ZNF536: variants seen among roughly 807,000 people sequenced by gnomAD.
ZNF536 encodes the protein zinc finger protein 536.
ZNF536 carries 13 observed loss-of-function variants against 84.5 expected under a neutral mutation model. The observed-to-expected ratio is 0.15, with a 90% CI of 0.10 to 0.24. The LOEUF (loss-of-function observed/expected upper bound fraction) is 0.24. Ranked by LOEUF, ZNF536 falls within the 10% of genes least tolerant of loss-of-function variation. The pLI is 1.00. For synonymous variants in ZNF536, 811 were observed against 742.5 expected (o/e 1.09, Z -1.50); for missense variants, 1,536 against 1,747.5 (o/e 0.88, Z 2.16).
intron 1 of ZNF536, among the ~76,000 whole-genome samples, chr19:30,253,209 A>G (rs1275736991): frequency 6.6e-6 from 1 of 152,220 alleles, no homozygotes; most frequent in Non-Finnish European, 1.5e-5. Flanking sequence ...AGTGTGAATG[A>G]TAAATACTGT....
At chr19:30,368,476 C>A (rs540587462), upstream of ZNF536, among the ~76,000 whole-genome samples, 6 of 152,204 alleles carry the variant, frequency 3.9e-5, no homozygotes, top group Non-Finnish European at 8.8e-5. Flanking sequence ...GCTGATGTGC[C>A]TGCGAGGGCA....
intron 1 of ZNF536, among the ~76,000 whole-genome samples, chr19:30,272,293 T>C (rs1036883840): frequency 6.6e-6 from 1 of 152,246 alleles, no homozygotes; most frequent in East Asian, 1.9e-4. Context: ...GAGCAGAAAG[T>C]ACAGCGTTAC....
upstream of ZNF536, among the ~76,000 whole-genome samples, chr19:30,227,971 C>T (rs1247788402): frequency 6.6e-6 from 1 of 152,096 alleles, no homozygotes; most frequent in African/African-American, 2.4e-5. Context: ...AGTTGGGCAG[C>T]CCCGCGCGCC....
At chr19:30,655,447 T>C (rs1020968636) in intron 1 of ZNF536, among the ~76,000 whole-genome samples, 6 of 152,180 alleles carry the variant, frequency 3.9e-5, no homozygotes, top group Non-Finnish European at 7.3e-5. Flanking sequence ...CTGATTGGTA[T>C]AGGGAGCTGG....
chr19:30,438,083 C>T (rs1225719612), intron 1 of ZNF536, among the ~76,000 whole-genome samples: 2 of 152,064 alleles, frequency 1.3e-5, no homozygotes, highest in Non-Finnish European at 2.9e-5. Flanking sequence ...CTCTGCTGGC[C>T]CCTGGCTTCC....
intron 1 of ZNF536, among the ~76,000 whole-genome samples, chr19:30,700,063 C>G (rs2051837735): frequency 6.7e-6 from 1 of 150,368 alleles, no homozygotes; most frequent in Non-Finnish European, 1.5e-5. Flanking sequence ...CTCCCTCCGC[C>G]TCCCTCCTTC....
intron 1 of ZNF536, among the ~76,000 whole-genome samples, chr19:30,566,954 T>C (rs2046372957): frequency 6.6e-6 from 1 of 151,134 alleles, no homozygotes; most frequent in African/African-American, 2.4e-5. Flanking sequence ...GCCTGTGGCC[T>C]TTCCATGCAG....
At chr19:30,571,736 G>A (rs963175902) in intron 1 of ZNF536, among the ~76,000 whole-genome samples, 1 of 152,232 alleles carries the variant, frequency 6.6e-6, no homozygotes, top group South Asian at 2.1e-4. Context: ...CCACAGGCAT[G>A]AGTCTCCCCC....
chr19:30,643,167 C>G (rs928281322), intron 1 of ZNF536, among the ~76,000 whole-genome samples: 1 of 152,186 alleles, frequency 6.6e-6, no homozygotes. Flanking sequence ...GCTTCTTCTC[C>G]TGCTGGGTTC....
At chr19:30,286,541 A>G (rs2045635865) in intron 2 of ZNF536, among the ~76,000 whole-genome samples, 1 of 133,642 alleles carries the variant, frequency 7.5e-6, no homozygotes, top group South Asian at 2.6e-4. Flanking sequence ...AGAGAGAGAG[A>G]GAGAGAAAGA....
intron 1 of ZNF536, among the ~76,000 whole-genome samples, chr19:30,590,458 T>C (rs1157085971): frequency 6.6e-6 from 1 of 152,246 alleles, no homozygotes; most frequent in African/African-American, 2.4e-5. Flanking sequence ...CAAGGCTTTC[T>C]TGGCCTTCAA....
At chr19:30,277,064 A>G (rs1453527394) in intron 1 of ZNF536, among the ~76,000 whole-genome samples, 1 of 152,084 alleles carries the variant, frequency 6.6e-6, no homozygotes, top group Non-Finnish European at 1.5e-5. Context: ...AAAGGAAGTG[A>G]TTTTCTAATT....
chr19:30,609,983 C>T (rs970677879), intron 1 of ZNF536, among the ~76,000 whole-genome samples: 1 of 151,998 alleles, frequency 6.6e-6, no homozygotes, highest in Non-Finnish European at 1.5e-5. Context: ...TTCATTCAAC[C>T]ATCCACCCAC....
At chr19:30,528,126 G>A (rs149625811) in intron 2 of ZNF536, among the ~76,000 whole-genome samples, 11 of 152,272 alleles carry the variant, frequency 7.2e-5, no homozygotes, top group East Asian at 3.9e-4. Context: ...TGCCATAAAC[G>A]TAGTAAGCGC....
chr19:30,330,798 C>T (rs920588334), intron 2 of ZNF536, among the ~76,000 whole-genome samples: 28 of 152,152 alleles, frequency 1.8e-4, no homozygotes, highest in African/African-American at 6.5e-4. Context: ...CCTGAGGGCT[C>T]CTAGCCTGAG....
At chr19:30,309,988 G>A (rs187692096) in intron 2 of ZNF536, among the ~76,000 whole-genome samples, 7 of 152,236 alleles carry the variant, frequency 4.6e-5, no homozygotes, top group African/African-American at 9.6e-5. Context: ...TAGGCGTGGC[G>A]TGGAATGAAT....
intron 1 of ZNF536, among the ~76,000 whole-genome samples, chr19:30,631,826 C>T: frequency 6.6e-6 from 1 of 152,138 alleles, no homozygotes; most frequent in East Asian, 1.9e-4. Context: ...TAATAAGCAC[C>T]CATCAGAGAG....
chr19:30,368,802 G>C (rs1012816448), upstream of ZNF536, among the ~76,000 whole-genome samples: 4 of 152,216 alleles, frequency 2.6e-5, no homozygotes, highest in African/African-American at 9.6e-5. Context: ...CAAGGGAGGG[G>C]ACTGGTGGAG....
chr19:30,586,509 A>C (rs746037598), intron 1 of ZNF536, among the ~76,000 whole-genome samples: 10 of 152,234 alleles, frequency 6.6e-5, no homozygotes, highest in Non-Finnish European at 1.2e-4. Flanking sequence ...TCAAAAAGCC[A>C]TGGAGTTTCC....
Sources: allele counts gnomAD v4.1 joint callset (sites outside exome capture counted in the v4.1 genomes callset), GRCh38; gene constraint gnomAD v4.1.1; transcripts MANE v1.5; gene names NCBI Gene and HGNC (gene_info 2026-07-23, HGNC 2026-07-21).